TTC34: variants seen among roughly 807,000 people sequenced by gnomAD.
The protein encoded by TTC34 is tetratricopeptide repeat protein 34.
A neutral mutation model predicts 40.7 loss-of-function variants in TTC34; 44 were observed. The observed-to-expected ratio is 1.08, with a 90% CI of 0.85 to 1.39. The LOEUF (loss-of-function observed/expected upper bound fraction) is 1.39. Among genes scored for constraint, TTC34 ranks in the 40% most tolerant of loss-of-function variants. The pLI is 0.00. For synonymous variants in TTC34, 422 were observed against 398.6 expected (o/e 1.06, Z -0.70); for missense variants, 884 against 838.0 (o/e 1.05, Z -0.68).
intron 6 of TTC34, among the ~76,000 whole-genome samples, chr1:2,695,075 C>G (rs530223528): frequency 1.3e-5 from 2 of 149,894 alleles, no homozygotes; most frequent in Non-Finnish European, 3.0e-5. Flanking sequence ...CACACACACC[C>G]CCAGGCGAGC....
intron 6 of TTC34, among the ~76,000 whole-genome samples, chr1:2,650,082 G>T (rs1639098064): frequency 6.6e-6 from 1 of 151,294 alleles, no homozygotes; most frequent in Non-Finnish European, 1.5e-5. Context: ...GCCTGGAATG[G>T]CACTCTGCAT....
chr1:2,795,684 C>G (rs1187427926), intron 2 of TTC34, among the ~76,000 whole-genome samples: 1 of 152,192 alleles, frequency 6.6e-6, no homozygotes, highest in East Asian at 1.9e-4. Flanking sequence ...TATGCTTTGT[C>G]ACCTTTCCTA....
At chr1:2,784,631 T>C (rs1643548941) in intron 5 of TTC34, among the ~76,000 whole-genome samples, 1 of 152,184 alleles carries the variant, frequency 6.6e-6, no homozygotes, top group Non-Finnish European at 1.5e-5. Flanking sequence ...GGCTCACCTC[T>C]TGCCTTCTAT....
intron 8 of TTC34, among the ~76,000 whole-genome samples, chr1:2,643,947 C>T (rs1638966142): frequency 6.6e-6 from 1 of 152,256 alleles, no homozygotes; most frequent in South Asian, 2.1e-4. Flanking sequence ...GGTGGGCTTC[C>T]TGCCGGGCAA....
chr1:2,644,644 A>G (rs1276959061), intron 7 of TTC34, among the ~76,000 whole-genome samples, 166 bp from the exon 8 acceptor site: 1 of 152,170 alleles, frequency 6.6e-6, no homozygotes, highest in African/African-American at 2.4e-5. Flanking sequence ...CCGTGATTCC[A>G]GGCAGGTCAC....
intron 6 of TTC34, among the ~76,000 whole-genome samples, chr1:2,749,867 C>T (rs1641259920): frequency 1.5e-5 from 2 of 132,654 alleles, no homozygotes; most frequent in Non-Finnish European, 1.6e-5. Context: ...ATCCGACAGC[C>T]TGGAGCAGAA....
exon 9 of TTC34, chr1:2,641,746 G>A (rs1242833530): frequency 7.8e-6 from 12 of 1,535,330 alleles, no homozygotes; most frequent in Admixed American, 2.0e-5. Flanking sequence ...TAAGGGCCCG[G>A]CCAAACTCCT....
chr1:2,683,131 G>A (rs1342557728), intron 6 of TTC34, among the ~76,000 whole-genome samples: 1 of 136,716 alleles, frequency 7.3e-6, no homozygotes, highest in Non-Finnish European at 1.6e-5. Context: ...GCATTTGACA[G>A]CCTGGAACAG....
exon 9 of TTC34, chr1:2,641,783 A>T: frequency 6.5e-7 from 1 of 1,535,188 alleles, no homozygotes; most frequent in Non-Finnish European, 8.7e-7. Context: ...GGTGGCCCGC[A>T]GACGCAGGTG....
At chr1:2,637,100 G>C (rs1372237973) in exon 9 of TTC34, 1 of 152,154 alleles carries the variant, frequency 6.6e-6, no homozygotes, top group Non-Finnish European at 1.5e-5. Context: ...GTGTGGCTGG[G>C]TCCGGGGCAT....
intron 6 of TTC34, among the ~76,000 whole-genome samples, chr1:2,680,279 CCGAACGGAGCAGCACCCACAAA>C (rs1557603199): frequency 1.5e-4 from 6 of 41,080 alleles, no homozygotes; most frequent in Non-Finnish European, 2.2e-4. Flanking sequence ...GAGCATCTGA[CCGAACGGAGCAGCACCCACAAA>C]CCCAGGCGAG....
At chr1:2,752,690 T>C (rs1172350355) in intron 6 of TTC34, among the ~76,000 whole-genome samples, 40 of 96,174 alleles carry the variant, frequency 4.2e-4, no homozygotes, top group Admixed American at 4.2e-4. Context: ...ACAGCACCCA[T>C]ACGCCCAGAT....
intron 6 of TTC34, among the ~76,000 whole-genome samples, chr1:2,769,692 G>A (rs1481252837): frequency 8.2e-6 from 1 of 121,292 alleles, no homozygotes; most frequent in Admixed American, 8.3e-5. Flanking sequence ...GCATCTGACA[G>A]TCTGGAGCAG....
intron 6 of TTC34, among the ~76,000 whole-genome samples, chr1:2,647,392 A>G (rs1639040180): frequency 1.3e-5 from 2 of 152,138 alleles, no homozygotes; most frequent in African/African-American, 4.8e-5. Context: ...TGGGAGGCTG[A>G]GGTGGGCAGA....
At chr1:2,652,509 GCA>G (rs1639180468) in intron 6 of TTC34, among the ~76,000 whole-genome samples, 3 of 138,922 alleles carry the variant, frequency 2.2e-5, no homozygotes, top group Non-Finnish European at 1.5e-5. Flanking sequence ...CTGACGGCCT[GCA>G]ACAGCACCCA....
chr1:2,684,516 C>T (rs937416941), intron 6 of TTC34, among the ~76,000 whole-genome samples: 4 of 144,090 alleles, frequency 2.8e-5, no homozygotes, highest in East Asian at 2.1e-4. Flanking sequence ...GGCACCCACA[C>T]CCCCAGGTGA....
At chr1:2,686,776 TGTGACAGC>T (rs1640375031) in intron 6 of TTC34, among the ~76,000 whole-genome samples, 1 of 94,786 alleles carries the variant, frequency 1.1e-5, no homozygotes. Context: ...CAGGTGAGCA[TGTGACAGC>T]CTGGATCAGC....
chr1:2,756,605 C>G (rs1641513674), intron 6 of TTC34, among the ~76,000 whole-genome samples: 2 of 151,910 alleles, frequency 1.3e-5, no homozygotes, highest in Admixed American at 6.5e-5. Context: ...GAGCATCTGA[C>G]AGCCTGGAAC....
At chr1:2,687,163 A>C (rs1570816815) in intron 6 of TTC34, among the ~76,000 whole-genome samples, 1 of 142,076 alleles carries the variant, frequency 7.0e-6, no homozygotes, top group African/African-American at 3.0e-5. Flanking sequence ...CAGTACCCAC[A>C]CACACAGGCG....
Sources: allele counts gnomAD v4.1 joint callset (sites outside exome capture counted in the v4.1 genomes callset), GRCh38; gene constraint gnomAD v4.1.1; transcripts MANE v1.5; gene names NCBI Gene and HGNC (gene_info 2026-07-23, HGNC 2026-07-21).